The following PTPRD variants were observed in gnomAD, a reference collection of about 807,000 sequenced individuals.
PTPRD encodes receptor-type tyrosine-protein phosphatase delta.
A neutral mutation model predicts 214.5 loss-of-function variants in PTPRD; 34 were observed. The observed-to-expected ratio is 0.16, with a 90% CI of 0.12 to 0.21. The LOEUF is 0.21. PTPRD is among the 10% of genes least tolerant of loss of function. The pLI is 1.00. For missense variants in PTPRD, 2,545 were observed against 2,398.7 expected (o/e 1.06, Z -1.27); for synonymous variants, 1,128 against 845.7 (o/e 1.33, Z -5.79).
chr9:9,704,694 G>GA (rs1417564735), intron 7 of PTPRD, among the ~76,000 whole-genome samples: 3 of 152,060 alleles, frequency 2.0e-5, no homozygotes, highest in Non-Finnish European at 4.4e-5. Context: ...GATCCATCAG[G>GA]AAAAAAATCT....
chr9:8,894,289 A>G (rs2098580503), intron 11 of PTPRD, among the ~76,000 whole-genome samples: 1 of 137,296 alleles, frequency 7.3e-6, no homozygotes, highest in African/African-American at 2.6e-5. Flanking sequence ...TGGGAGGCAG[A>G]GGTTTCAGTG....
intron 5 of PTPRD, among the ~76,000 whole-genome samples, chr9:9,925,005 G>A (rs903314296): frequency 2.6e-5 from 4 of 152,000 alleles, no homozygotes; most frequent in African/African-American, 9.7e-5. Flanking sequence ...TTTCTAAATA[G>A]TCAATACCGA....
chr9:9,778,544 C>G (rs1355959947), intron 5 of PTPRD, among the ~76,000 whole-genome samples: 13 of 152,180 alleles, frequency 8.5e-5, no homozygotes, highest in Non-Finnish European at 2.9e-5. Flanking sequence ...GACTGGCTTC[C>G]CCATGACTAA....
chr9:9,970,310 C>A (rs945831639), intron 4 of PTPRD, among the ~76,000 whole-genome samples: 1 of 151,198 alleles, frequency 6.6e-6, no homozygotes, highest in Admixed American at 6.6e-5. Flanking sequence ...ATTAGCCGGG[C>A]GTGGTGGCAG....
intron 9 of PTPRD, among the ~76,000 whole-genome samples, chr9:9,239,989 G>A (rs1046703284): frequency 1.3e-5 from 2 of 152,124 alleles, no homozygotes; most frequent in Admixed American, 1.3e-4. Context: ...TTAAGACAAG[G>A]CTAGCTAACA....
chr9:9,358,452 A>T (rs2054703590), intron 9 of PTPRD, among the ~76,000 whole-genome samples: 1 of 151,290 alleles, frequency 6.6e-6, no homozygotes, highest in African/African-American at 2.4e-5. Context: ...TCCTGGAAAC[A>T]TTTTAGCCTT....
intron 5 of PTPRD, among the ~76,000 whole-genome samples, chr9:9,883,340 A>G (rs1278137202): frequency 1.3e-5 from 2 of 152,134 alleles, no homozygotes; most frequent in Admixed American, 1.3e-4. Flanking sequence ...GAAACGCTAG[A>G]AATTTATTTA....
intron 11 of PTPRD, among the ~76,000 whole-genome samples, chr9:8,940,150 C>T (rs1219123471): frequency 6.6e-6 from 1 of 151,772 alleles, no homozygotes; most frequent in Non-Finnish European, 1.5e-5. Context: ...CTGTCAAGAC[C>T]TGAGAGGCTC....
At chr9:10,528,900 T>C (rs1049961602) in intron 2 of PTPRD, among the ~76,000 whole-genome samples, 1 of 152,192 alleles carries the variant, frequency 6.6e-6, no homozygotes, top group Non-Finnish European at 1.5e-5. Flanking sequence ...CAGATTTATA[T>C]CTATATATGT....
intron 39 of PTPRD, among the ~76,000 whole-genome samples, chr9:8,359,872 G>T (rs983246286): frequency 6.6e-6 from 1 of 152,156 alleles, no homozygotes; most frequent in African/African-American, 2.4e-5. Context: ...TAGGCATATG[G>T]CTATCAATAT....
chr9:9,521,387 G>T (rs570680226), intron 8 of PTPRD, among the ~76,000 whole-genome samples: 1 of 152,098 alleles, frequency 6.6e-6, no homozygotes, highest in South Asian at 2.1e-4. Flanking sequence ...TCAGCTACTT[G>T]CTAGTCAACT....
rs535294881 is a variant in PTPRD, at chr9:9,190,155, C to T, written c.-202-6792G>A. Among the ~76,000 whole-genome samples the T allele has an allele frequency of 4.6e-5, 7 of 152,144 alleles. No individual in the cohort carries two copies. In the East Asian group the frequency reaches 1.4e-3, roughly 30 times the overall value. On this transcript the variant is annotated intron_variant, in intron 9 of 45. Transcript: ENST00000381196. ...TCAGACCTTTAAGAGGTGATTAGGT[C>T]ATGAGGGCTCTGTTCTCATTGGTAG...
intron 14 of PTPRD, among the ~76,000 whole-genome samples, chr9:8,579,010 T>C (rs970918473): frequency 4.6e-5 from 7 of 152,214 alleles, no homozygotes; most frequent in Non-Finnish European, 8.8e-5. Flanking sequence ...AGGACAGAGA[T>C]GATATATTTT....
chr9:9,591,155 G>A (rs941495360), intron 7 of PTPRD, among the ~76,000 whole-genome samples: 40 of 130,912 alleles, frequency 3.1e-4, no homozygotes, highest in Middle Eastern at 3.6e-3. Context: ...TCCTTAAAAC[G>A]AAGAGAATTC....
At chr9:9,309,392 T>C (rs1193914134) in intron 9 of PTPRD, among the ~76,000 whole-genome samples, 1 of 152,168 alleles carries the variant, frequency 6.6e-6, no homozygotes, top group Admixed American at 6.5e-5. Context: ...AAGCCAACAT[T>C]ATGTGCTAGC....
Position 9,236,603 on chromosome 9 carries a change from G to T in PTPRD, c.-202-53240C>A, listed in dbSNP as rs1428382222. Among the ~76,000 whole-genome samples, 2 of 148,460 alleles carry T rather than the reference G, an allele frequency of 1.3e-5. 1 individual carries two copies. The highest frequency in any genetic ancestry group is 1.3e-4 in the Admixed American group (2 of 14,902). ...TCCTTAGTACATTCCTTTAGCTAAA[G>T]AATGAATTATTTGTTTGAATTCATT... is the stretch of plus-strand genomic sequence containing the variant. On this transcript the variant is annotated intron_variant, in intron 9 of 45. Transcript: ENST00000381196.
intron 3 of PTPRD, among the ~76,000 whole-genome samples, chr9:10,113,205 C>T (rs1011363274): frequency 1.3e-5 from 2 of 152,210 alleles, no homozygotes; most frequent in Non-Finnish European, 2.9e-5. Flanking sequence ...AATAACTAAA[C>T]AGGAACTGTT....
intron 7 of PTPRD, among the ~76,000 whole-genome samples, chr9:9,613,371 T>C (rs1023988596): frequency 7.2e-5 from 11 of 151,922 alleles, no homozygotes; most frequent in African/African-American, 2.7e-4. Context: ...GAGAAAGACA[T>C]TGGCTTGAGT....
intron 12 of PTPRD, among the ~76,000 whole-genome samples, chr9:8,637,993 C>T (rs72698264): frequency 0.16 from 23,561 of 151,878 alleles, 2,371 homozygotes; most frequent in African/African-American, 0.28. Context: ...CAGGAGGAGG[C>T]ATTTTAATTA....
Sources: allele counts gnomAD v4.1 joint callset (sites outside exome capture counted in the v4.1 genomes callset), GRCh38; gene constraint gnomAD v4.1.1; transcripts MANE v1.5; gene names NCBI Gene and HGNC (gene_info 2026-07-23, HGNC 2026-07-21).